The following CEP128 variants were observed in gnomAD, a reference collection of about 807,000 sequenced individuals.
The protein encoded by CEP128 is centrosomal protein 128.
Under a neutral mutation model 156.7 loss-of-function variants are expected in CEP128, and 132 were observed. The observed-to-expected ratio is 0.84, with a 90% CI of 0.73 to 0.97. CEP128 has a LOEUF of 0.97. Among genes scored for constraint, CEP128 ranks in the 50% least tolerant of loss-of-function variants. The pLI is 0.00. For synonymous variants in CEP128, 469 were observed against 448.9 expected (o/e 1.04, Z -0.57); for missense variants, 1,252 against 1,281.9 (o/e 0.98, Z 0.36).
chr14:80,845,746 T>C (rs1008861348), intron 9 of CEP128, among the ~76,000 whole-genome samples: 8 of 152,180 alleles, frequency 5.3e-5, no homozygotes, highest in African/African-American at 1.9e-4. Flanking sequence ...AAAACAGTAC[T>C]AAGCCAATGA....
intron 8 of CEP128, 112 bp from the exon 9 acceptor site, chr14:80,862,985 G>T: frequency 1.5e-6 from 1 of 646,014 alleles, no homozygotes; most frequent in Non-Finnish European, 2.5e-6. Context: ...ATTTAAGATT[G>T]TTTTGTTTGC....
At chr14:80,574,567 G>A (rs1347513875) in intron 20 of CEP128, among the ~76,000 whole-genome samples, 1 of 152,084 alleles carries the variant, frequency 6.6e-6, no homozygotes, top group Non-Finnish European at 1.5e-5. Context: ...CGCATTCTTT[G>A]GTGGCTTTTC....
intron 13 of CEP128, chr14:80,822,510 A>G: frequency 4.8e-6 from 3 of 631,162 alleles, no homozygotes; most frequent in South Asian, 4.2e-5. Context: ...CACCACCTAC[A>G]TCCTGCCGCC....
At chr14:80,937,589 A>C (rs1885882331) in intron 2 of CEP128, among the ~76,000 whole-genome samples, 1 of 152,120 alleles carries the variant, frequency 6.6e-6, no homozygotes, top group African/African-American at 2.4e-5. Flanking sequence ...GCATACAATA[A>C]ATGTATCTAA....
At chr14:80,543,717 C>T (rs548297121) in intron 21 of CEP128, among the ~76,000 whole-genome samples, 1 of 152,264 alleles carries the variant, frequency 6.6e-6, no homozygotes, top group East Asian at 1.9e-4. Flanking sequence ...CCTTCCCTGC[C>T]CAAATGAAAG....
intron 13 of CEP128, among the ~76,000 whole-genome samples, chr14:80,810,009 C>CA (rs1884414030): frequency 6.6e-6 from 1 of 151,558 alleles, no homozygotes. Context: ...GGACAATAAG[C>CA]AAAAAAGAAA....
downstream of CEP128, among the ~76,000 whole-genome samples, chr14:80,494,992 C>T (rs1318278484): frequency 6.6e-6 from 1 of 152,144 alleles, no homozygotes; most frequent in African/African-American, 2.4e-5. Context: ...GTGTTTCTCC[C>T]CCTGTAGCCT....
At chr14:80,631,040 G>A (rs528895371) in intron 19 of CEP128, among the ~76,000 whole-genome samples, 2 of 151,828 alleles carry the variant, frequency 1.3e-5, no homozygotes, top group African/African-American at 4.8e-5. Flanking sequence ...ATGCTTTTTC[G>A]AGTCAATAAT....
chr14:80,864,340 A>T (rs1028086130), intron 8 of CEP128, among the ~76,000 whole-genome samples: 2 of 152,178 alleles, frequency 1.3e-5, no homozygotes, highest in Non-Finnish European at 2.9e-5. Flanking sequence ...ACTGACAATG[A>T]ATGAGTAGTT....
chr14:80,531,047 G>C (rs980395009), intron 21 of CEP128, 161 bp from the exon 22 acceptor site: 1 of 367,916 alleles, frequency 2.7e-6, no homozygotes, highest in African/African-American at 2.1e-5. Flanking sequence ...CAAGATAAAT[G>C]TATCTTTTGA....
intron 20 of CEP128, among the ~76,000 whole-genome samples, chr14:80,570,416 C>T (rs12881248): frequency 0.13 from 20,452 of 152,020 alleles, 1,590 homozygotes; most frequent in East Asian, 0.32. Context: ...GTGCCCGGCC[C>T]ATATGTTCTT....
chr14:80,539,763 G>A (rs928069825), intron 21 of CEP128, among the ~76,000 whole-genome samples: 1 of 152,138 alleles, frequency 6.6e-6, no homozygotes, highest in Admixed American at 6.5e-5. Flanking sequence ...GTGCAAGTAG[G>A]AGAGATATCG....
chr14:80,896,396 A>G (rs1000057043), intron 7 of CEP128, among the ~76,000 whole-genome samples: 2 of 152,174 alleles, frequency 1.3e-5, no homozygotes, highest in African/African-American at 4.8e-5. Context: ...CCCTCTGTGA[A>G]TCATGCACAA....
rs186815456 is a variant in CEP128, at chr14:80,724,112, G to A, written c.2806+18963C>T. On this transcript the variant is annotated intron_variant, in intron 19 of 24. Coordinates refer to ENST00000555265, the MANE Select transcript of CEP128 (RefSeq NM_152446.5). Reference sequence around the variant, plus strand: ...GTTATTGGTTCTGTGGTATGCTATTGCTTTCAAATATTTGGCTTCCTCCTG... The same window carrying A: ...GTTATTGGTTCTGTGGTATGCTATTACTTTCAAATATTTGGCTTCCTCCTG... 7.9e-5 allele frequency among the ~76,000 whole-genome samples: 12 copies of A among 152,250 alleles called. No homozygotes were observed. The East Asian group carries it at 1.9e-3, about 24-fold the overall frequency.
At chr14:80,823,127 T>G (rs531093708) in intron 13 of CEP128, among the ~76,000 whole-genome samples, 2 of 152,328 alleles carry the variant, frequency 1.3e-5, no homozygotes, top group South Asian at 2.1e-4. Flanking sequence ...TTCATTTCTA[T>G]GTCCTCTTCT....
At chr14:80,921,964 A>C (rs1884891860) in intron 2 of CEP128, among the ~76,000 whole-genome samples, 1 of 151,970 alleles carries the variant, frequency 6.6e-6, no homozygotes, top group Non-Finnish European at 1.5e-5. Context: ...TCCATCCCAA[A>C]AAAAAAAAAA....
intron 7 of CEP128, among the ~76,000 whole-genome samples, chr14:80,899,076 G>A (rs921075841): frequency 3.9e-5 from 6 of 152,080 alleles, no homozygotes; most frequent in Admixed American, 2.6e-4. Flanking sequence ...GTTAAATCAC[G>A]AAATAAGGGC....
At chr14:80,874,705 C>T (rs1250979981) in intron 8 of CEP128, among the ~76,000 whole-genome samples, 1 of 152,152 alleles carries the variant, frequency 6.6e-6, no homozygotes, top group Non-Finnish European at 1.5e-5. Context: ...GCAAGCTCCA[C>T]CTCCCGGGTT....
intron 4 of CEP128, among the ~76,000 whole-genome samples, chr14:80,906,708 C>T (rs748372692): frequency 7.2e-5 from 11 of 152,116 alleles, no homozygotes; most frequent in South Asian, 2.1e-4. Flanking sequence ...CATATAAAAA[C>T]ATACCTTTAG....
Sources: gnomAD v4.1 joint callset for allele counts (sites outside exome capture counted in the v4.1 genomes callset) on GRCh38, gnomAD v4.1.1 for gene constraint, MANE v1.5 for transcripts, NCBI Gene and HGNC (gene_info 2026-07-23, HGNC 2026-07-21) for gene names.